The following ADAMTS17 variants were observed in gnomAD, a reference collection of about 807,000 sequenced individuals.
The protein encoded by ADAMTS17 is ADAM metallopeptidase with thrombospondin type 1 motif 17.
In ADAMTS17, 113 loss-of-function variants were observed where a neutral mutation model predicts 141.5. That is an observed-to-expected ratio of 0.80 (90% CI 0.69 to 0.93). ADAMTS17 has a LOEUF of 0.93. ADAMTS17 is among the 40% of genes least tolerant of loss of function. The pLI is 0.00. For synonymous variants in ADAMTS17, 768 were observed against 630.6 expected (o/e 1.22, Z -3.27); for missense variants, 1,659 against 1,517.9 (o/e 1.09, Z -1.54).
rs565135089 is a variant in ADAMTS17, at chr15:100,162,779, T to TAC, written c.1182-7461_1182-7460dup. Among the ~76,000 whole-genome samples the TAC allele has an allele frequency of 5.3e-4, 78 of 146,008 alleles. 2 individuals are homozygous for TAC. The highest frequency in any genetic ancestry group is 6.2e-4 in the Non-Finnish European group (41 of 66,652). ...ATATAGGCACATATACACATATATA[T>TAC]ACATATGCACATATACACAGTATAT... On this transcript the variant is annotated intron_variant, in intron 8 of 21. Coordinates refer to ENST00000268070, the MANE Select transcript of ADAMTS17 (RefSeq NM_139057.4).
intron 18 of ADAMTS17, among the ~76,000 whole-genome samples, chr15:100,020,837 G>A (rs116367936): frequency 6.6e-6 from 1 of 152,292 alleles, no homozygotes; most frequent in South Asian, 2.1e-4. Flanking sequence ...AAGTGACTAA[G>A]GGTGTTTGGA....
At chr15:100,179,140 C>T (rs538171407) in intron 8 of ADAMTS17, among the ~76,000 whole-genome samples, 1 of 152,282 alleles carries the variant, frequency 6.6e-6, no homozygotes, top group African/African-American at 2.4e-5. Context: ...AACTATAGCC[C>T]TGTTGTGGAA....
In ADAMTS17 at chr15:99,991,651, A is replaced by T. The variant is rs143181377; in HGVS notation, c.2949+1397T>A. On this transcript the variant is annotated intron_variant, in intron 20 of 21. Coordinates refer to ENST00000268070, the MANE Select transcript of ADAMTS17 (RefSeq NM_139057.4). ...GATCTAGAACCAGAAATACCATTTGACCCAGCAATCCCTTTACTGAATATA... is the reference window on the plus strand; with the variant it reads ...GATCTAGAACCAGAAATACCATTTGTCCCAGCAATCCCTTTACTGAATATA... Among the ~76,000 whole-genome samples the T allele has an allele frequency of 2.0e-5, 3 of 152,336 alleles. No individual in the cohort carries two copies. In the East Asian group the frequency reaches 5.8e-4, roughly 29 times the overall value.
intron 3 of ADAMTS17, among the ~76,000 whole-genome samples, chr15:100,283,174 G>A (rs138715528): frequency 7.5e-4 from 115 of 152,354 alleles, no homozygotes; most frequent in African/African-American, 2.7e-3. Context: ...ACTGCAAAAT[G>A]AAGTCTTCTC....
chr15:99,996,031 C>G (rs1195061488), intron 19 of ADAMTS17, among the ~76,000 whole-genome samples: 1 of 151,662 alleles, frequency 6.6e-6, no homozygotes, highest in Non-Finnish European at 1.5e-5. Context: ...CATTGTTTTC[C>G]CCCATAAAAA....
At chr15:100,003,177 G>C (rs1233331290) in intron 18 of ADAMTS17, among the ~76,000 whole-genome samples, 1 of 152,082 alleles carries the variant, frequency 6.6e-6, no homozygotes, top group African/African-American at 2.4e-5. Context: ...GAGCACAAAT[G>C]CACTCACGAC....
intron 8 of ADAMTS17, among the ~76,000 whole-genome samples, chr15:100,163,126 T>C (rs906914084): frequency 1.3e-5 from 2 of 151,682 alleles, no homozygotes; most frequent in African/African-American, 4.8e-5. Context: ...GACAGGTATA[T>C]ACCTACACTT....
At position 99,997,413 on chromosome 15, in the gene ADAMTS17, G is replaced by C. The variant is rs200834418; in HGVS notation, c.2768C>G (p.Ser923Cys). 1.6e-5 allele frequency: 26 copies of C among 1,613,660 alleles called. No individual in the cohort carries two copies. Among genetic ancestry groups the C allele is most frequent in the Non-Finnish European group, 2.0e-5 (24 of 1,180,000 alleles). The change falls in exon 19 of 22, where the codon TCC becomes TGC. Residue 923 changes from serine to cysteine, a missense_variant. Transcript: ENST00000268070. This position sits in a 1 kb window ranked among gnomAD's most constrained non-coding sequence, Gnocchi z 4.7. ...TGACCACTCAGACGCCTCCCAGATG[G>C]ACAGGCAGTCCTGGCCTTCACAGCT... ...VQSCEGQDCL[S>C]IWEASEWSQC...
At position 100,331,002 on chromosome 15, in the gene ADAMTS17, T is replaced by TTCA. The variant is rs1229424342; in HGVS notation, c.502_503insTGA (p.Asn167_Asn168insMet). 6.2e-7 allele frequency: 1 copy of TTCA among 1,613,470 alleles called. No individual in the cohort carries two copies. The highest frequency in any genetic ancestry group is 8.5e-7 in the Non-Finnish European group (1 of 1,179,942). ...TCGTCCACTGAATGGGCCCTGGGAG[T>TTCA]TGTTGAGGGGCTGGATTAGCACCTG... is the stretch of plus-strand genomic sequence containing the variant. On this transcript the variant is annotated inframe_insertion, in exon 3 of 22. Transcript: ENST00000268070.
chr15:100,205,445 T>C (rs1364559350), intron 7 of ADAMTS17, among the ~76,000 whole-genome samples: 1 of 152,134 alleles, frequency 6.6e-6, no homozygotes, highest in Non-Finnish European at 1.5e-5. Context: ...GCCAAGTGCA[T>C]GGAGATATCG....
At chr15:100,200,616 T>C (rs2041292423) in intron 7 of ADAMTS17, among the ~76,000 whole-genome samples, 1 of 152,162 alleles carries the variant, frequency 6.6e-6, no homozygotes, top group South Asian at 2.1e-4. Context: ...GATGGTGGCA[T>C]GGGGTGGCTA....
chr15:100,078,746 GT>G (rs1195741658), intron 15 of ADAMTS17, among the ~76,000 whole-genome samples: 1 of 152,152 alleles, frequency 6.6e-6, no homozygotes, highest in African/African-American at 2.4e-5. Flanking sequence ...GAAAACCTGT[GT>G]TTCAAAAGAT....
At chr15:100,272,296 CAT>C (rs1454519688) in intron 4 of ADAMTS17, among the ~76,000 whole-genome samples, 1 of 152,140 alleles carries the variant, frequency 6.6e-6, no homozygotes, top group African/African-American at 2.4e-5. Context: ...CTTTGGATAA[CAT>C]TGATATCTTA....
chr15:100,046,456 T>C (rs1425014752), intron 18 of ADAMTS17, among the ~76,000 whole-genome samples: 1 of 152,180 alleles, frequency 6.6e-6, no homozygotes, highest in Admixed American at 6.5e-5. Context: ...CTGGTTTCTG[T>C]GCATAATTTT....
rs958600404 is a variant in ADAMTS17, at chr15:100,100,046, G to A, written c.2017-3570C>T. ...TTTCACCTCCTGCTCTACAGCGTCC[G>A]CTGTGTGTAACGCCCACCCTGTCTC... On this transcript the variant is annotated intron_variant, in intron 14 of 21. Coordinates refer to ENST00000268070, the MANE Select transcript of ADAMTS17 (RefSeq NM_139057.4). Among the ~76,000 whole-genome samples, 8 of 152,258 alleles carry A rather than the reference G, an allele frequency of 5.3e-5. No individual in the cohort carries two copies. In the South Asian group the frequency reaches 6.2e-4, roughly 12 times the overall value.
chr15:100,248,406 CTGCCAGAGAGAGGCCCAGAGGGTA>C (rs1400403024), intron 7 of ADAMTS17, among the ~76,000 whole-genome samples: 1 of 152,150 alleles, frequency 6.6e-6, no homozygotes, highest in Non-Finnish European at 1.5e-5. Context: ...TCTTCAGCCA[CTGCCAGAGAGAGGCCCAGAGGGTA>C]TGCATCTGGA....
At chr15:100,272,156 T>A (rs1476044042) in intron 4 of ADAMTS17, among the ~76,000 whole-genome samples, 1 of 152,226 alleles carries the variant, frequency 6.6e-6, no homozygotes, top group East Asian at 1.9e-4. Context: ...CTTACTGTGT[T>A]CTTTTGTTCA....
Position 100,042,270 on chromosome 15 carries a change from T to C in ADAMTS17, c.2591+6587A>G, listed in dbSNP as rs186407876. On this transcript the variant is annotated intron_variant, in intron 18 of 21. Transcript: ENST00000268070. Reference sequence around the variant, plus strand: ...GTTCTTATGAAAGACTCATGACAACTAGATCGTGCCATGCAATAATTCAAA... The same window carrying C: ...GTTCTTATGAAAGACTCATGACAACCAGATCGTGCCATGCAATAATTCAAA... Among the ~76,000 whole-genome samples, 592 of 152,336 alleles carry C rather than the reference T, an allele frequency of 3.9e-3. 5 individuals are homozygous for C. The highest frequency in any genetic ancestry group is 5.1e-3 in the Non-Finnish European group (348 of 68,034).
intron 8 of ADAMTS17, among the ~76,000 whole-genome samples, chr15:100,192,652 G>T (rs1295109100): frequency 6.6e-6 from 1 of 152,214 alleles, no homozygotes; most frequent in African/African-American, 2.4e-5. Flanking sequence ...TTGCCTGCTT[G>T]CCTAGATCTG....
Sources: gnomAD v4.1 joint callset for allele counts (sites outside exome capture counted in the v4.1 genomes callset) on GRCh38, gnomAD v4.1.1 for gene constraint, Gnocchi (gnomAD v3.1) non-coding constraint, MANE v1.5 for transcripts, NCBI Gene and HGNC (gene_info 2026-07-23, HGNC 2026-07-21) for gene names.